Variants in ARL15 observed in about 807,000 individuals in gnomAD.
The protein encoded by ARL15 is ADP-ribosylation factor-like protein 15.
In ARL15, 19 loss-of-function variants were observed where a neutral mutation model predicts 25.2. That is an observed-to-expected ratio of 0.75 (90% CI 0.53 to 1.10). The LOEUF (loss-of-function observed/expected upper bound fraction) is 1.10, where lower values mean the gene tolerates loss of function less well. ARL15 is among the 50% of genes least tolerant of loss of function. The probability of loss-of-function intolerance (pLI) is 0.00; values close to 1 mark genes in which losing one functional copy is unlikely to be tolerated. For synonymous variants in ARL15, 94 were observed against 86.8 expected, an observed-to-expected ratio of 1.08 and a Z score of -0.46; for missense variants, 220 against 246.0, an observed-to-expected ratio of 0.89 and a Z score of 0.71.
intron 1 of ARL15, among the ~76,000 whole-genome samples, chr5:54,252,345 T>C (rs970762653): frequency 6.6e-6 from 1 of 152,222 alleles, no homozygotes; most frequent in South Asian, 2.1e-4. Context: ...AACCTTTCTG[T>C]TGCAAAATAG....
intron 1 of ARL15, among the ~76,000 whole-genome samples, chr5:54,184,158 A>G (rs71592641): frequency 0.6 from 68,275 of 113,568 alleles, 20,968 homozygotes; most frequent in East Asian, 0.98. Context: ...TAAATGACGA[A>G]TTAATGGGTG....
At chr5:53,920,488 T>C (rs1561149863) in intron 4 of ARL15, among the ~76,000 whole-genome samples, 2 of 151,946 alleles carry the variant, frequency 1.3e-5, no homozygotes, top group Non-Finnish European at 2.9e-5. Context: ...AGCTGCTGCC[T>C]GGTGCTTCTG....
chr5:54,230,513 C>A (rs773837113), intron 1 of ARL15, among the ~76,000 whole-genome samples: 3 of 152,046 alleles, frequency 2.0e-5, no homozygotes, highest in Non-Finnish European at 4.4e-5. Flanking sequence ...TCCTCAAATG[C>A]CATGGGACTA....
chr5:54,122,110 C>A (rs1006166977), intron 3 of ARL15, among the ~76,000 whole-genome samples: 7 of 152,062 alleles, frequency 4.6e-5, no homozygotes, highest in East Asian at 3.9e-4. Context: ...AAAAATAAAC[C>A]AAAGTTTTTA....
chr5:54,049,745 T>A (rs1048950038), intron 4 of ARL15, among the ~76,000 whole-genome samples: 7 of 152,010 alleles, frequency 4.6e-5, no homozygotes, highest in African/African-American at 1.7e-4. Flanking sequence ...TGTTCTGATT[T>A]TTTTTTTGTA....
At chr5:54,172,627 A>G (rs1579871920) in intron 1 of ARL15, among the ~76,000 whole-genome samples, 1 of 152,202 alleles carries the variant, frequency 6.6e-6, no homozygotes, top group Non-Finnish European at 1.5e-5. Context: ...CTTGATGTCC[A>G]CAATTAACTG....
At chr5:53,897,048 T>C (rs1485736486) in intron 4 of ARL15, among the ~76,000 whole-genome samples, 1 of 152,218 alleles carries the variant, frequency 6.6e-6, no homozygotes, top group African/African-American at 2.4e-5. Context: ...CATGTTTTAC[T>C]ATCTTTCCAT....
At chr5:53,960,337 C>T (rs1279554813) in intron 4 of ARL15, among the ~76,000 whole-genome samples, 1 of 152,184 alleles carries the variant, frequency 6.6e-6, no homozygotes, top group Admixed American at 6.5e-5. Flanking sequence ...CTATCCTTAA[C>T]AGTGATTTTC....
intron 1 of ARL15, among the ~76,000 whole-genome samples, chr5:54,234,689 G>A (rs1015698083): frequency 1.3e-5 from 2 of 152,208 alleles, no homozygotes; most frequent in African/African-American, 2.4e-5. Context: ...CTCTGTGAAA[G>A]TGAAACAAAA....
chr5:54,263,895 CT>C (rs1426601259), intron 1 of ARL15, among the ~76,000 whole-genome samples: 1 of 150,210 alleles, frequency 6.7e-6, no homozygotes, highest in African/African-American at 2.5e-5. Flanking sequence ...TATGTGTCCC[CT>C]GTCTCAGTTA....
chr5:54,202,649 T>G (rs920751866), intron 1 of ARL15, among the ~76,000 whole-genome samples: 29 of 152,130 alleles, frequency 1.9e-4, no homozygotes, highest in African/African-American at 6.8e-4. Context: ...CTACTTAGTT[T>G]GTGGTAATAT....
intron 1 of ARL15, among the ~76,000 whole-genome samples, chr5:54,241,688 G>A (rs756288085): frequency 2.6e-5 from 4 of 152,116 alleles, no homozygotes; most frequent in African/African-American, 7.2e-5. Context: ...TGTTGAATCC[G>A]ATTCCTTATA....
At chr5:54,292,813 T>TA (rs1055339754) in intron 1 of ARL15, among the ~76,000 whole-genome samples, 2 of 152,008 alleles carry the variant, frequency 1.3e-5, no homozygotes, top group African/African-American at 2.4e-5. Context: ...TTTCTCATAT[T>TA]AAAAAAACAA....
At chr5:54,087,377 C>T (rs558279501) in intron 4 of ARL15, among the ~76,000 whole-genome samples, 3 of 152,030 alleles carry the variant, frequency 2.0e-5, no homozygotes, top group Non-Finnish European at 2.9e-5. Flanking sequence ...ATGGTACTGC[C>T]GAGATCTTGG....
At chr5:53,914,040 T>C (rs1745548721) in intron 4 of ARL15, among the ~76,000 whole-genome samples, 1 of 152,106 alleles carries the variant, frequency 6.6e-6, no homozygotes, top group African/African-American at 2.4e-5. Context: ...CTTATCTCCT[T>C]TTCCCTTCTG....
At chr5:53,962,547 A>G (rs924132989) in intron 4 of ARL15, among the ~76,000 whole-genome samples, 12 of 152,266 alleles carry the variant, frequency 7.9e-5, no homozygotes, top group African/African-American at 2.6e-4. Context: ...TTCGAAATCT[A>G]TCTGAATCAG....
intron 4 of ARL15, among the ~76,000 whole-genome samples, chr5:53,997,529 G>T (rs1748720555): frequency 6.6e-6 from 1 of 152,028 alleles, no homozygotes; most frequent in African/African-American, 2.4e-5. Flanking sequence ...GATCCAAATG[G>T]CAACAGACTA....
chr5:54,032,377 G>T (rs28529264), intron 4 of ARL15, among the ~76,000 whole-genome samples: 1 of 151,934 alleles, frequency 6.6e-6, no homozygotes, highest in Non-Finnish European at 1.5e-5. Flanking sequence ...GGGATTACAC[G>T]CATCTGCTAT....
At chr5:54,285,746 A>T (rs1241684797) in intron 1 of ARL15, among the ~76,000 whole-genome samples, 1 of 152,172 alleles carries the variant, frequency 6.6e-6, no homozygotes, top group Non-Finnish European at 1.5e-5. Flanking sequence ...ACCCCTTCGA[A>T]TGAGGCCCTA....
Sources: allele counts gnomAD v4.1 joint callset (sites outside exome capture counted in the v4.1 genomes callset), GRCh38; gene constraint gnomAD v4.1.1; transcripts MANE v1.5; gene names NCBI Gene and HGNC (gene_info 2026-07-23, HGNC 2026-07-21).